CHIC1: variants seen among roughly 807,000 people sequenced by gnomAD.
CHIC1 encodes cysteine rich hydrophobic domain 1.
CHIC1 carries 7 observed loss-of-function variants against 18.5 expected under a neutral mutation model. The observed-to-expected ratio is 0.38, with a 90% CI of 0.22 to 0.71. The LOEUF (loss-of-function observed/expected upper bound fraction) is 0.71. Ranked by LOEUF, CHIC1 falls within the 30% of genes least tolerant of loss-of-function variation. CHIC1 has a pLI of 0.49. For synonymous variants in CHIC1, 77 were observed against 73.5 expected (o/e 1.05, Z -0.25); for missense variants, 159 against 176.9 (o/e 0.90, Z 0.57).
intron 1 of CHIC1, among the ~76,000 whole-genome samples, chrX:73,566,343 A>G (rs2057444656): frequency 9.1e-6 from 1 of 109,554 alleles, no homozygotes; most frequent in Admixed American, 9.8e-5. Context: ...CCTGCATTGG[A>G]TATTAATTAG....
At position 73,563,465 on chromosome X, in the gene CHIC1, G is replaced by A. The variant is rs2057428124; in HGVS notation, c.181G>A (p.Glu61Lys). The A allele has an allele frequency of 5.2e-6, 6 of 1,161,714 alleles. No individual in the cohort carries two copies. In the East Asian group the frequency reaches 1.6e-4, roughly 31 times the overall value. The change falls in exon 1 of 6, where the codon GAG becomes AAG. Residue 61 changes from glutamate (E) to lysine (K), a missense_variant. Physicochemically the swap from Glu to Lys is moderately conservative, Grantham distance 56 (BLOSUM62 1). Transcript: ENST00000373502. ...GGAAGAGGAGGAGGAGGAAGAAGAG[G>A]AGGAGGAGGAAGAGGAGGAGGAAGC... The part of the protein sequence containing the change: ...EEEEEEEEEE[E>K]EEEEEEEAPP...
At chrX:73,615,428 G>T (rs1472629745) in intron 3 of CHIC1, among the ~76,000 whole-genome samples, 3 of 111,551 alleles carry the variant, frequency 2.7e-5, no homozygotes, top group African/African-American at 9.8e-5. Context: ...CAGTAGGAGT[G>T]GCAGGACAAC....
intron 3 of CHIC1, among the ~76,000 whole-genome samples, chrX:73,644,894 G>A (rs886463815): frequency 4.5e-5 from 5 of 111,851 alleles, no homozygotes; most frequent in Non-Finnish European, 7.5e-5. Flanking sequence ...GACTAGGAAC[G>A]GGTACTCCCT....
At chrX:73,639,133 A>G (rs185105962) in intron 3 of CHIC1, among the ~76,000 whole-genome samples, 138 of 111,944 alleles carry the variant, frequency 1.2e-3, no homozygotes, top group Non-Finnish European at 2.4e-3. Context: ...CACATTTTCT[A>G]CATTCCCACC....
intron 3 of CHIC1, among the ~76,000 whole-genome samples, chrX:73,636,285 A>G: frequency 9.0e-6 from 1 of 111,274 alleles, no homozygotes; most frequent in East Asian, 2.8e-4. Context: ...TATGTGTTAT[A>G]TTTCTAAAAA....
chrX:73,655,759 G>A (rs1360171387), intron 3 of CHIC1, among the ~76,000 whole-genome samples: 1 of 106,530 alleles, frequency 9.4e-6, no homozygotes, highest in Non-Finnish European at 1.9e-5. Context: ...GTTGTGAGTA[G>A]TGCTGCAATT....
chrX:73,624,659 A>AC (rs58747044), intron 3 of CHIC1, among the ~76,000 whole-genome samples: 5,325 of 111,825 alleles, frequency 0.048, 319 homozygotes, highest in African/African-American at 0.16. Context: ...GATAGCAGAG[A>AC]CCAAGAGAGT....
intron 3 of CHIC1, among the ~76,000 whole-genome samples, chrX:73,643,035 C>A (rs1422248619): frequency 9.0e-6 from 1 of 111,639 alleles, no homozygotes; most frequent in Non-Finnish European, 1.9e-5. Flanking sequence ...TTAGTGCTTC[C>A]TTCAGGAGCT....
chrX:73,681,051 T>C lies in CHIC1; in HGVS notation c.*46T>C. On this transcript the variant is annotated 3_prime_UTR_variant, in exon 6 of 6. Transcript: ENST00000373502. The stretch of plus-strand genomic sequence containing the variant: ...CTGTGTTACCTGTCATTTCCTACCC[T>C]TAGTGCCTTGTAGATTTGGAATGAA... 2 of 777,601 alleles carry C rather than the reference T, an allele frequency of 2.6e-6. No homozygotes were observed. Among genetic ancestry groups the C allele is most frequent in the South Asian group, 5.2e-5 (2 of 38,681 alleles). The allele number at this position is 777,601 out of a possible 1,213,427, so 64.1% of individuals were successfully genotyped here. A position where few individuals can be genotyped will look rare whatever the true frequency, so the allele number is the denominator to read the frequency against.
intron 3 of CHIC1, among the ~76,000 whole-genome samples, chrX:73,593,716 A>C (rs1382371991): frequency 9.0e-6 from 1 of 111,528 alleles, no homozygotes; most frequent in Non-Finnish European, 1.9e-5. Flanking sequence ...TAATGCTTCT[A>C]ATTTTATGTT....
At chrX:73,607,792 C>T (rs1268009921) in intron 3 of CHIC1, among the ~76,000 whole-genome samples, 5 of 107,934 alleles carry the variant, frequency 4.6e-5, no homozygotes. Context: ...CCCCACCCTG[C>T]TTCTGCTCGC....
intron 3 of CHIC1, among the ~76,000 whole-genome samples, chrX:73,642,363 GTTGT>G (rs1389592321): frequency 9.0e-6 from 1 of 111,628 alleles, no homozygotes; most frequent in African/African-American, 3.3e-5. Context: ...TTTTGATGGC[GTTGT>G]TTGTTTTTTT....
chrX:73,589,016 CTGT>C (rs1043624539), intron 3 of CHIC1, among the ~76,000 whole-genome samples: 5 of 109,420 alleles, frequency 4.6e-5, no homozygotes, highest in Admixed American at 9.8e-5. Context: ...TTCATTTTTT[CTGT>C]TGTTCTATTC....
At chrX:73,667,303 A>G (rs759822165) in intron 3 of CHIC1, among the ~76,000 whole-genome samples, 3 of 111,647 alleles carry the variant, frequency 2.7e-5, no homozygotes, top group Non-Finnish European at 3.8e-5. Flanking sequence ...TTCTTTATCC[A>G]GCTTGTCATT....
In CHIC1 at chrX:73,681,567, T is replaced by C. The variant is rs898145075; in HGVS notation, c.*562T>C. 1.8e-5 allele frequency: 2 copies of C among 112,508 alleles called. No homozygotes were observed. Among genetic ancestry groups the C allele is most frequent in the Admixed American group, 1.9e-4 (2 of 10,596 alleles). 9.3% of individuals were successfully genotyped at this position (112,508 alleles called of 1,213,427 possible). On this transcript the variant is annotated 3_prime_UTR_variant, in exon 6 of 6. Transcript: ENST00000373502. ...TTAAACTCCTAAAGACTTGTAAATA[T>C]TGCCTCTTTGCATAATGTAAAATGT...
intron 1 of CHIC1, among the ~76,000 whole-genome samples, chrX:73,571,115 AT>A (rs1333166894): frequency 9.0e-6 from 1 of 110,963 alleles, no homozygotes; most frequent in Non-Finnish European, 1.9e-5. Context: ...AAAGCTAAGA[AT>A]TTTTAAAACA....
intron 3 of CHIC1, among the ~76,000 whole-genome samples, chrX:73,624,531 T>C (rs1348045176): frequency 1.8e-5 from 2 of 112,442 alleles, no homozygotes; most frequent in Non-Finnish European, 3.8e-5. Context: ...TGGACAGTTC[T>C]ATTGCTCTTC....
rs2147637842 is a variant in CHIC1, at chrX:73,684,038, G to A, written c.*3033G>A. ...TGTAAGGAAGCATAATAAATGAATT[G>A]GTAGATGATTAGATTAGAAATCATC... is the stretch of plus-strand genomic sequence containing the variant. On this transcript the variant is annotated 3_prime_UTR_variant, in exon 6 of 6. Transcript: ENST00000373502. 9.0e-6 allele frequency: 1 copy of A among 111,520 alleles called. No individual in the cohort carries two copies. The highest frequency in any genetic ancestry group is 3.8e-4 in the South Asian group (1 of 2,661). 9.2% of individuals were successfully genotyped at this position (111,520 alleles called of 1,213,427 possible). A position where few individuals can be genotyped will look rare whatever the true frequency, so the allele number is the denominator to read the frequency against.
intron 3 of CHIC1, among the ~76,000 whole-genome samples, chrX:73,660,557 A>G (rs2057974886): frequency 8.9e-6 from 1 of 111,878 alleles, no homozygotes; most frequent in Admixed American, 9.5e-5. Context: ...TCTGGAGTGA[A>G]TGGTGTCTTG....
Sources: allele counts gnomAD v4.1 joint callset (sites outside exome capture counted in the v4.1 genomes callset), GRCh38; gene constraint gnomAD v4.1.1; transcripts MANE v1.5; gene names NCBI Gene and HGNC (gene_info 2026-07-23, HGNC 2026-07-21).